NFATC2IP: variants seen among roughly 807,000 people sequenced by gnomAD.
The protein encoded by NFATC2IP is nuclear factor of activated T cells 2 interacting protein, also known as NFATC2-interacting protein.
In NFATC2IP, 25 loss-of-function variants were observed where a neutral mutation model predicts 40.2. The ratio of observed to expected loss-of-function variants is 0.62; its 90% CI spans 0.45 to 0.87. The LOEUF (loss-of-function observed/expected upper bound fraction) is 0.87. NFATC2IP is among the 40% of genes least tolerant of loss of function. NFATC2IP has a pLI of 0.00. For synonymous variants in NFATC2IP, 241 were observed against 236.3 expected (o/e 1.02, Z -0.18); for missense variants, 553 against 555.6 (o/e 1.00, Z 0.05).
intron 7 of NFATC2IP, among the ~76,000 whole-genome samples, chr16:28,962,215 G>T (rs952902166): frequency 6.6e-6 from 1 of 152,034 alleles, no homozygotes; most frequent in Admixed American, 6.6e-5. Flanking sequence ...CCCCTCCTTG[G>T]GTTTAATTTG....
At position 28,964,239 on chromosome 16, in the gene NFATC2IP, G is replaced by A. The variant is rs59675198; in HGVS notation, c.*376G>A. 1 of 197,262 alleles carries A rather than the reference G, an allele frequency of 5.1e-6. No homozygotes were observed. Among genetic ancestry groups the A allele is most frequent in the Non-Finnish European group, 1.1e-5 (1 of 93,688 alleles). The allele number at this position is 197,262 out of a possible 1,614,324, so 12.2% of individuals were successfully genotyped here. On this transcript the variant is annotated 3_prime_UTR_variant, in exon 8 of 8. Coordinates refer to ENST00000320805, the MANE Select transcript of NFATC2IP (RefSeq NM_032815.4). The stretch of plus-strand genomic sequence containing the variant: ...GTTGAAACAAATGAGGGTTGGGTAG[G>A]AGCTTCCAGGCCTGGGATTTACACC...
Position 28,963,751 on chromosome 16 carries a change from G to T in NFATC2IP, c.1148G>T (p.Gly383Val), listed in dbSNP as rs1407701321. 1 of 1,614,060 alleles carries T rather than the reference G, an allele frequency of 6.2e-7. No homozygotes were observed. The highest frequency in any genetic ancestry group is 8.5e-7 in the Non-Finnish European group (1 of 1,180,000). Reference protein sequence around the residue: ...TLMSHYEEAMGLSGRKLSFFF... With the variant: ...TLMSHYEEAMVLSGRKLSFFF... ...ATGTCCCACTATGAGGAGGCCATGGGACTGTCGGGACGGAAGCTCTCCTTC... is the reference window on the plus strand; with the variant it reads ...ATGTCCCACTATGAGGAGGCCATGGTACTGTCGGGACGGAAGCTCTCCTTC... The change falls in exon 8 of 8, where the codon GGA becomes GTA. Residue 383 changes from glycine (G) to valine (V), a missense_variant. Physicochemically the swap from Gly to Val is moderately radical, Grantham distance 109. Coordinates refer to ENST00000320805, the MANE Select transcript of NFATC2IP (RefSeq NM_032815.4).
intron 5 of NFATC2IP, among the ~76,000 whole-genome samples, chr16:28,958,062 A>C (rs1171467830): frequency 3.3e-5 from 5 of 151,878 alleles, no homozygotes; most frequent in African/African-American, 1.2e-4. Flanking sequence ...TGAGATCAGG[A>C]GTTCAAGACC....
intron 7 of NFATC2IP, among the ~76,000 whole-genome samples, chr16:28,962,570 C>T (rs959541949): frequency 3.9e-5 from 6 of 152,196 alleles, no homozygotes; most frequent in Admixed American, 6.5e-5. Context: ...CTACCTTGGT[C>T]TTTCTAGTGA....
chr16:28,962,111 G>A (rs1965095457), intron 7 of NFATC2IP, among the ~76,000 whole-genome samples: 1 of 151,848 alleles, frequency 6.6e-6, no homozygotes, highest in African/African-American at 2.4e-5. Context: ...TCACTATGTT[G>A]CCCAGGCTGG....
chr16:28,950,970 A>G lies in NFATC2IP; in HGVS notation c.-42A>G, dbSNP rs757391807. 4.2e-6 allele frequency: 6 copies of G among 1,443,226 alleles called. No homozygotes were observed. The South Asian group carries it at 7.3e-5, about 18-fold the overall frequency. The allele number at this position is 1,443,226 out of a possible 1,614,324, so 89.4% of individuals were successfully genotyped here. Reference sequence around the variant, plus strand: ...GAAAGTCGCTGAAGGGGGCGGGGCGAGGCGAGAGGAGGCGGGCGTGTGTTG... The same window carrying G: ...GAAAGTCGCTGAAGGGGGCGGGGCGGGGCGAGAGGAGGCGGGCGTGTGTTG... On this transcript the variant is annotated 5_prime_UTR_variant, in exon 1 of 8. Transcript: ENST00000320805.
chr16:28,952,490 G>A, intron 2 of NFATC2IP: 1 of 387,870 alleles, frequency 2.6e-6, no homozygotes, highest in Admixed American at 4.3e-5. Context: ...TCTGCAGCAA[G>A]TTCTTTGGGA....
intron 5 of NFATC2IP, among the ~76,000 whole-genome samples, chr16:28,958,149 T>C (rs1368609167): frequency 6.6e-6 from 1 of 151,592 alleles, no homozygotes; most frequent in Admixed American, 6.6e-5. Context: ...CTGGCTTCTC[T>C]TAAAAAATAA....
intron 3 of NFATC2IP, 33 bp downstream of exon 3, chr16:28,954,715 G>A: frequency 1.4e-6 from 2 of 1,426,628 alleles, no homozygotes; most frequent in Admixed American, 1.8e-5. Context: ...GGCCCTGGGA[G>A]CAGGAAGTGA....
At chr16:28,954,758 T>C in intron 3 of NFATC2IP, 76 bp downstream of exon 3, 2 of 823,448 alleles carry the variant, frequency 2.4e-6, no homozygotes, top group Non-Finnish European at 4.1e-6. Context: ...GGCAGGACTC[T>C]TGGGTGACTC....
chr16:28,965,431 A>G lies in NFATC2IP; in HGVS notation c.*1568A>G, dbSNP rs1305464580. On this transcript the variant is annotated 3_prime_UTR_variant, in exon 8 of 8. Coordinates refer to ENST00000320805, the MANE Select transcript of NFATC2IP (RefSeq NM_032815.4). ...CATAGCGAGACCTCGTCTCTACAAA[A>G]AAAAATTAAAAAGGGGGCTTTGGGA... 6.6e-6 allele frequency: 1 copy of G among 152,104 alleles called. No homozygotes were observed. Among genetic ancestry groups the G allele is most frequent in the Non-Finnish European group, 1.5e-5 (1 of 68,044 alleles). 9.4% of individuals were successfully genotyped at this position (152,104 alleles called of 1,614,324 possible).
intron 2 of NFATC2IP, chr16:28,952,562 C>A: frequency 4.0e-6 from 1 of 251,720 alleles, no homozygotes; most frequent in Non-Finnish European, 7.7e-6. Flanking sequence ...TTGTCCTCCC[C>A]CACTGATGCA....
At chr16:28,958,512 C>T (rs947422686) in intron 5 of NFATC2IP, 7 of 527,308 alleles carry the variant, frequency 1.3e-5, no homozygotes, top group Non-Finnish European at 2.0e-5. Context: ...TGTTCTAACC[C>T]ATGGCTGCTA....
At chr16:28,955,242 T>A (rs1310076293) in intron 3 of NFATC2IP, among the ~76,000 whole-genome samples, 1 of 152,070 alleles carries the variant, frequency 6.6e-6, no homozygotes, top group Non-Finnish European at 1.5e-5. Context: ...AACCTGGGGA[T>A]AATAGTGGCA....
Position 28,965,317 on chromosome 16 carries a change from G to A in NFATC2IP, c.*1454G>A, listed in dbSNP as rs540604253. The A allele has an allele frequency of 6.6e-6, 1 of 152,236 alleles. No homozygotes were observed. The highest frequency in any genetic ancestry group is 2.1e-4 in the South Asian group (1 of 4,822). 9.4% of individuals were successfully genotyped at this position (152,236 alleles called of 1,614,324 possible). ...TTCCAAGAATGCATATTTGGGCTGG[G>A]TATGGAGGTTCACTGGTAATCCCAG... On this transcript the variant is annotated 3_prime_UTR_variant, in exon 8 of 8. Transcript: ENST00000320805.
At chr16:28,958,315 C>T (rs1403635688) in intron 5 of NFATC2IP, 11 of 154,114 alleles carry the variant, frequency 7.1e-5, no homozygotes, top group African/African-American at 1.7e-4. Flanking sequence ...GAGATTGCGC[C>T]ACTACACTCC....
chr16:28,959,571 ATT>A (rs61432973), intron 7 of NFATC2IP, among the ~76,000 whole-genome samples: 14,007 of 114,646 alleles, frequency 0.12, 1,669 homozygotes, highest in South Asian at 0.33. Flanking sequence ...TGGTGCAGTC[ATT>A]TTTTTTTTTT....
chr16:28,951,428 G>T (rs1272233986), intron 1 of NFATC2IP, 30 bp downstream of exon 1: 1 of 1,379,754 alleles, frequency 7.2e-7, no homozygotes, highest in South Asian at 1.7e-5. Flanking sequence ...GGGGACCGGC[G>T]GAAGGGCCAA....
At chr16:28,960,057 G>A (rs1464306861) in intron 7 of NFATC2IP, among the ~76,000 whole-genome samples, 1 of 152,148 alleles carries the variant, frequency 6.6e-6, no homozygotes, top group East Asian at 1.9e-4. Context: ...CTGGTGGCCA[G>A]AGTTCCTTGG....
Sources: gnomAD v4.1 joint callset for allele counts (sites outside exome capture counted in the v4.1 genomes callset) on GRCh38, gnomAD v4.1.1 for gene constraint, MANE v1.5 for transcripts, NCBI Gene and HGNC (gene_info 2026-07-23, HGNC 2026-07-21) for gene names.